Variants in CCSER1 observed in about 807,000 individuals in gnomAD.
The protein encoded by CCSER1 is serine-rich coiled-coil domain-containing protein 1.
A neutral mutation model predicts 82.0 loss-of-function variants in CCSER1; 41 were observed. The observed-to-expected ratio is 0.50, with a 90% CI of 0.39 to 0.65. The LOEUF is 0.65. Ranked by LOEUF, CCSER1 falls within the 30% of genes least tolerant of loss-of-function variation. The pLI, the probability that CCSER1 is intolerant of heterozygous loss-of-function variation, is 0.00. For synonymous variants in CCSER1, 414 were observed against 383.9 expected, an observed-to-expected ratio of 1.08 and a Z score of -0.92; for missense variants, 1,119 against 1,064.2, an observed-to-expected ratio of 1.05 and a Z score of -0.72.
intron 7 of CCSER1, chr4:90,727,436 A>G: frequency 2.7e-6 from 1 of 363,674 alleles, no homozygotes; most frequent in East Asian, 7.3e-5. Flanking sequence ...CTAAACCTGA[A>G]CAAAATTGAT....
intron 10 of CCSER1, among the ~76,000 whole-genome samples, chr4:91,243,271 C>A (rs1477686779): frequency 3.3e-5 from 5 of 152,204 alleles, no homozygotes; most frequent in African/African-American, 9.7e-5. Context: ...AGTTTGTTGG[C>A]AAGCCTCACC....
In CCSER1 at chr4:91,433,648, C is replaced by T. The variant is rs147460702; in HGVS notation, c.2218-164924C>T. ...AGTATTCAGTACAATAACTGCTGTACGGGTTTGTAGCCTAGAAGCAATGGG... is the reference window on the plus strand; with the variant it reads ...AGTATTCAGTACAATAACTGCTGTATGGGTTTGTAGCCTAGAAGCAATGGG... On this transcript the variant is annotated intron_variant, in intron 10 of 10. Coordinates refer to ENST00000509176, the MANE Select transcript of CCSER1 (RefSeq NM_001145065.2). Among the ~76,000 whole-genome samples, 432 of 152,260 alleles carry T rather than the reference C, an allele frequency of 2.8e-3. 2 individuals are homozygous for T. The highest frequency in any genetic ancestry group is 9.9e-3 in the African/African-American group (411 of 41,548).
At chr4:91,497,478 A>ATCACAG (rs1758986763) in intron 10 of CCSER1, among the ~76,000 whole-genome samples, 1 of 151,858 alleles carries the variant, frequency 6.6e-6, no homozygotes, top group Admixed American at 6.6e-5. Flanking sequence ...CCTGTGATAT[A>ATCACAG]GATTATTTAA....
At chr4:90,535,962 A>G (rs1775273908) in intron 5 of CCSER1, among the ~76,000 whole-genome samples, 1 of 151,740 alleles carries the variant, frequency 6.6e-6, no homozygotes, top group Non-Finnish European at 1.5e-5. Context: ...TGACTATAAT[A>G]TGCCTTGATT....
intron 10 of CCSER1, among the ~76,000 whole-genome samples, chr4:91,358,155 G>T (rs1748982677): frequency 6.6e-6 from 1 of 151,606 alleles, no homozygotes; most frequent in African/African-American, 2.4e-5. Context: ...TCTCTCTGCT[G>T]CCTCTGCCAG....
intron 10 of CCSER1, among the ~76,000 whole-genome samples, chr4:91,478,283 C>A (rs2110035004): frequency 6.6e-6 from 1 of 151,968 alleles, no homozygotes; most frequent in African/African-American, 2.4e-5. Flanking sequence ...AGCTGCTGGG[C>A]AATTACATTA....
At chr4:91,351,765 A>AT (rs111700401) in intron 10 of CCSER1, among the ~76,000 whole-genome samples, 48 of 151,678 alleles carry the variant, frequency 3.2e-4, no homozygotes, top group East Asian at 7.7e-4. Flanking sequence ...AAATGTTATG[A>AT]TTTTTTTTTA....
intron 9 of CCSER1, among the ~76,000 whole-genome samples, chr4:91,042,880 C>A (rs570676686): frequency 1.3e-5 from 2 of 152,280 alleles, no homozygotes; most frequent in Non-Finnish European, 2.9e-5. Flanking sequence ...AAGATCTCTG[C>A]ATTCCGGTAT....
chr4:91,191,811 A>G (rs1735016759), intron 10 of CCSER1, among the ~76,000 whole-genome samples: 1 of 152,186 alleles, frequency 6.6e-6, no homozygotes, highest in African/African-American at 2.4e-5. Context: ...CGTGGCCCTG[A>G]ACTGGTTACC....
Position 91,162,186 on chromosome 4 carries a change from AATC to A in CCSER1, c.2217+76195_2217+76197del, listed in dbSNP as rs535406784. Among the ~76,000 whole-genome samples the A allele has an allele frequency of 3.4e-3, 516 of 152,278 alleles. 1 individual carries two copies. Among genetic ancestry groups the A allele is most frequent in the African/African-American group, 0.012 (479 of 41,556 alleles). On this transcript the variant is annotated intron_variant, in intron 10 of 10. Transcript: ENST00000509176. The stretch of plus-strand genomic sequence containing the variant: ...AGGCCTTTTCTGCATCTACTGAGAT[AATC>A]ATGTGGTTTTTGTCTTTGGTTCTGT...
intron 1 of CCSER1, among the ~76,000 whole-genome samples, chr4:90,168,026 T>A (rs1162064200): frequency 5.3e-5 from 8 of 151,972 alleles, no homozygotes; most frequent in Admixed American, 4.6e-4. Flanking sequence ...TATTTCTAGT[T>A]CTAGATCCCT....
intron 10 of CCSER1, among the ~76,000 whole-genome samples, chr4:91,225,803 A>G (rs1005681713): frequency 2.6e-5 from 4 of 151,858 alleles, no homozygotes; most frequent in African/African-American, 4.8e-5. Context: ...ATTGTCTTAC[A>G]TTGCATACTC....
intron 1 of CCSER1, among the ~76,000 whole-genome samples, chr4:90,283,417 A>C (rs1197648490): frequency 6.6e-6 from 1 of 152,040 alleles, no homozygotes; most frequent in African/African-American, 2.4e-5. Context: ...ATTTTGATAC[A>C]AGCATATAGC....
At chr4:90,824,913 GA>G (rs902108467) in intron 8 of CCSER1, among the ~76,000 whole-genome samples, 31 of 152,220 alleles carry the variant, frequency 2.0e-4, no homozygotes, top group South Asian at 1.5e-3. Context: ...ATATATTCCA[GA>G]AAAGGCTTAT....
chr4:90,484,783 C>T (rs1381892807), intron 5 of CCSER1, among the ~76,000 whole-genome samples: 1 of 152,160 alleles, frequency 6.6e-6, no homozygotes, highest in Non-Finnish European at 1.5e-5. Context: ...TCAATCTGCC[C>T]CTACTGGGGG....
chr4:91,413,101 T>C (rs915363715), intron 10 of CCSER1, among the ~76,000 whole-genome samples: 5 of 151,984 alleles, frequency 3.3e-5, no homozygotes, highest in African/African-American at 4.8e-5. Flanking sequence ...AAAAAATTAA[T>C]GGAGAGCTTC....
chr4:90,578,744 A>C (rs1005407321), intron 5 of CCSER1, among the ~76,000 whole-genome samples: 2 of 152,164 alleles, frequency 1.3e-5, no homozygotes, highest in African/African-American at 4.8e-5. Context: ...TGGGGGGGCC[A>C]TTGTTCTGCC....
chr4:90,948,329 T>C (rs1266008410), intron 9 of CCSER1, among the ~76,000 whole-genome samples: 18 of 151,808 alleles, frequency 1.2e-4, no homozygotes, highest in Admixed American at 1.2e-3. Context: ...GAAATTAGTG[T>C]CTTCACTTTT....
At chr4:91,400,111 G>A (rs1276992665) in intron 10 of CCSER1, among the ~76,000 whole-genome samples, 2 of 152,010 alleles carry the variant, frequency 1.3e-5, no homozygotes, top group Admixed American at 6.6e-5. Context: ...TCACTAAGAC[G>A]CAAATGTGCA....
Sources: gnomAD v4.1 joint callset for allele counts (sites outside exome capture counted in the v4.1 genomes callset) on GRCh38, gnomAD v4.1.1 for gene constraint, MANE v1.5 for transcripts, NCBI Gene and HGNC (gene_info 2026-07-23, HGNC 2026-07-21) for gene names.